The following LYST variants were observed in gnomAD, a reference collection of about 807,000 sequenced individuals.
LYST encodes the protein lysosomal-trafficking regulator.
A neutral mutation model predicts 413.6 loss-of-function variants in LYST; 192 were observed. The observed-to-expected ratio is 0.46, with a 90% confidence interval of 0.41 to 0.52. LYST has a LOEUF of 0.52. Among genes scored for constraint, LYST ranks in the 20% least tolerant of loss-of-function variants. LYST has a pLI of 0.00. For synonymous variants in LYST, 1,525 were observed against 1,567.3 expected (o/e 0.97, Z 0.64); for missense variants, 3,815 against 4,499.9 (o/e 0.85, Z 4.35).
At chr1:235,801,221 C>A in intron 8 of LYST, 124 bp from the exon 9 acceptor site, 1 of 686,756 alleles carries the variant, frequency 1.5e-6, no homozygotes. Flanking sequence ...AAAACCTTTT[C>A]CAATCTTTTC....
chr1:235,684,177 A>T (rs1438140234), intron 48 of LYST, among the ~76,000 whole-genome samples: 1 of 152,206 alleles, frequency 6.6e-6, no homozygotes, highest in African/African-American at 2.4e-5. Flanking sequence ...TATGCTCTTG[A>T]TCTGCTTCCT....
In LYST at chr1:235,663,022, A is replaced by G; in HGVS notation, c.11324T>C (p.Val3775Ala). Residue 3775 changes from valine (V) to alanine (A), a missense_variant, in exon 53 of 53, where the codon GTG (valine) becomes GCG (alanine). Transcript: ENST00000389793. ...HLYTANSDGT[V>A]IAWCRKDQQR... ...CTGGTCCTTCCGACACCAGGCAATCACGGTCCCATCACTGTTTGCTGTGTA... is the reference window on the plus strand; with the variant it reads ...CTGGTCCTTCCGACACCAGGCAATCGCGGTCCCATCACTGTTTGCTGTGTA... 2 of 1,614,096 alleles carry G rather than the reference A, an allele frequency of 1.2e-6. No homozygotes were observed. Among genetic ancestry groups the G allele is most frequent in the Non-Finnish European group, 1.7e-6 (2 of 1,179,996 alleles).
At chr1:235,783,928 G>GAA (rs1670139878) in intron 14 of LYST, among the ~76,000 whole-genome samples, 1 of 150,934 alleles carries the variant, frequency 6.6e-6, no homozygotes, top group Non-Finnish European at 1.5e-5. Context: ...CACCCAGGCT[G>GAA]AAGTGCAGGG....
chr1:235,734,698 T>TAAA, intron 31 of LYST, 39 bp from the exon 32 acceptor site: 1 of 1,386,188 alleles, frequency 7.2e-7, no homozygotes, highest in Non-Finnish European at 1.0e-6. Context: ...ATTTAGAATT[T>TAAA]TAATTCTTAC....
intron 45 of LYST, among the ~76,000 whole-genome samples, chr1:235,698,410 A>G (rs1350060160): frequency 6.6e-6 from 1 of 152,182 alleles, no homozygotes; most frequent in Non-Finnish European, 1.5e-5. Flanking sequence ...GTTAAATGAT[A>G]TCATAGTGGT....
intron 52 of LYST, among the ~76,000 whole-genome samples, chr1:235,663,556 CATTTA>C (rs1340868975): frequency 6.6e-6 from 1 of 152,036 alleles, no homozygotes; most frequent in Non-Finnish European, 1.5e-5. Flanking sequence ...ACTGAAAATA[CATTTA>C]ATTTAATAAA....
chr1:235,858,536 T>C, intron 1 of LYST, among the ~76,000 whole-genome samples: 1 of 152,210 alleles, frequency 6.6e-6, no homozygotes, highest in East Asian at 1.9e-4. Context: ...TTTTTCCATC[T>C]CTAGTACTCT....
At chr1:235,856,342 T>C (rs888036378) in intron 1 of LYST, among the ~76,000 whole-genome samples, 2 of 152,186 alleles carry the variant, frequency 1.3e-5, no homozygotes, top group African/African-American at 4.8e-5. Flanking sequence ...GAAAGAATAG[T>C]AGACTAAAAG....
intron 17 of LYST, among the ~76,000 whole-genome samples, chr1:235,776,487 T>C (rs1046589680): frequency 1.3e-5 from 2 of 152,230 alleles, no homozygotes; most frequent in South Asian, 2.1e-4. Context: ...CCAGAGGAAG[T>C]AGAAATGATT....
chr1:235,746,405 T>C lies in LYST; in HGVS notation c.7903A>G (p.Thr2635Ala), dbSNP rs769297473. 1.2e-6 allele frequency: 2 copies of C among 1,614,014 alleles called. No homozygotes were observed. The highest frequency in any genetic ancestry group is 1.7e-6 in the Non-Finnish European group (2 of 1,179,910). ...RMSQENPSQA[T>A]ETELAQRLQR... ...AGTCTCTGCGCAAGTTCCGTTTCAG[T>C]TGCTTGGCTAGGGTTCTCTTGGCTC... Residue 2635 changes from threonine (T) to alanine (A), a missense_variant, in exon 29 of 53, where the codon ACT becomes GCT. By Grantham distance (58) the Thr-to-Ala change is moderately conservative. Coordinates refer to ENST00000389793, the MANE Select transcript of LYST (RefSeq NM_000081.4).
rs1480574785 is a variant in LYST, at chr1:235,674,825, T to C, written c.11038+2266A>G. On this transcript the variant is annotated intron_variant, in intron 50 of 52. Coordinates refer to ENST00000389793, the MANE Select transcript of LYST (RefSeq NM_000081.4). This position sits in a 1 kb window ranked among gnomAD's most constrained non-coding sequence, Gnocchi z 4.1. Reference sequence around the variant, plus strand: ...TACAGGGCCTTACCACCCTAGCAAATAAATTAGCCGAAAAGTCATAGAAAA... The same window carrying C: ...TACAGGGCCTTACCACCCTAGCAAACAAATTAGCCGAAAAGTCATAGAAAA... 6.6e-6 allele frequency among the ~76,000 whole-genome samples: 1 copy of C among 151,902 alleles called. No individual in the cohort carries two copies. The highest frequency in any genetic ancestry group is 1.5e-5 in the Non-Finnish European group (1 of 67,942).
chr1:235,791,630 T>C (rs1321751715), intron 12 of LYST, 69 bp downstream of exon 12: 1 of 1,339,908 alleles, frequency 7.5e-7, no homozygotes, highest in East Asian at 2.3e-5. Context: ...ACCACATTTT[T>C]ACGGCTCAAG....
At chr1:235,816,725 G>A (rs759564190) in intron 3 of LYST, among the ~76,000 whole-genome samples, 9 of 152,074 alleles carry the variant, frequency 5.9e-5, no homozygotes, top group African/African-American at 9.7e-5. Context: ...CACAGAGACC[G>A]ATGGAACAGA....
intron 47 of LYST, among the ~76,000 whole-genome samples, chr1:235,687,683 G>A (rs999953977): frequency 2.0e-5 from 3 of 151,762 alleles, no homozygotes; most frequent in Non-Finnish European, 2.9e-5. Flanking sequence ...CACCATGTCC[G>A]CAGCAACTGT....
At chr1:235,829,933 T>A (rs1675761578) in intron 3 of LYST, 1 of 248,292 alleles carries the variant, frequency 4.0e-6, no homozygotes, top group African/African-American at 2.3e-5. Context: ...AGATTATGTC[T>A]TATATTTCTA....
At chr1:235,812,829 A>G (rs1673605345) in intron 4 of LYST, 142 bp downstream of exon 4, 1 of 681,630 alleles carries the variant, frequency 1.5e-6, no homozygotes, top group Admixed American at 2.3e-5. Context: ...TGTTTGCCTA[A>G]ATAATTTTTC....
At chr1:235,805,531 CTT>C (rs1401679354) in intron 6 of LYST, among the ~76,000 whole-genome samples, 2 of 151,440 alleles carry the variant, frequency 1.3e-5, no homozygotes, top group East Asian at 3.9e-4. Flanking sequence ...TCATCTGACA[CTT>C]ATAAAATGTG....
chr1:235,845,944 T>C lies in LYST; in HGVS notation c.-97-12277A>G, dbSNP rs117773101. On this transcript the variant is annotated intron_variant, in intron 1 of 52. Coordinates refer to ENST00000389793, the MANE Select transcript of LYST (RefSeq NM_000081.4). ...ACAAAGGGCATTTAATCTTGGGAGT[T>C]CTAGGGCCCTGCCCACCGCATATCT... 9.1e-4 allele frequency among the ~76,000 whole-genome samples: 138 copies of C among 151,972 alleles called. 3 individuals carry two copies. The East Asian group carries it at 0.025, about 28-fold the overall frequency.
At chr1:235,787,639 T>TA in intron 13 of LYST, among the ~76,000 whole-genome samples, 1 of 152,004 alleles carries the variant, frequency 6.6e-6, no homozygotes, top group African/African-American at 2.4e-5. Flanking sequence ...ATTCAGTTTG[T>TA]AAAAAAATAT....
Sources: allele counts gnomAD v4.1 joint callset (sites outside exome capture counted in the v4.1 genomes callset), GRCh38; gene constraint gnomAD v4.1.1; non-coding constraint Gnocchi (gnomAD v3.1); transcripts MANE v1.5; gene names NCBI Gene and HGNC (gene_info 2026-07-23, HGNC 2026-07-21).